Variants in TMC1 observed in about 807,000 individuals in gnomAD.
TMC1 encodes the protein transmembrane channel like 1.
Under a neutral mutation model 105.8 loss-of-function variants are expected in TMC1, and 84 were observed. The observed-to-expected ratio is 0.79, with a 90% CI of 0.67 to 0.95. TMC1 has a LOEUF of 0.95. Ranked by LOEUF, TMC1 falls within the 40% of genes least tolerant of loss-of-function variation. The pLI is 0.00. For synonymous variants in TMC1, 315 were observed against 311.5 expected, an observed-to-expected ratio of 1.01 and a Z score of -0.12; for missense variants, 817 against 914.1, an observed-to-expected ratio of 0.89 and a Z score of 1.37.
intron 2 of TMC1, among the ~76,000 whole-genome samples, chr9:72,598,318 C>A (rs1022013120): frequency 2.0e-5 from 3 of 151,810 alleles, no homozygotes; most frequent in African/African-American, 7.3e-5. Flanking sequence ...GCCTACCAGT[C>A]TCTGTGACTG....
At chr9:72,613,726 AC>A (rs973086534) in intron 2 of TMC1, among the ~76,000 whole-genome samples, 12 of 151,968 alleles carry the variant, frequency 7.9e-5, no homozygotes, top group African/African-American at 2.9e-4. Flanking sequence ...AAATAAGAAT[AC>A]TGACAAGCGT....
intron 1 of TMC1, among the ~76,000 whole-genome samples, chr9:72,575,221 G>C (rs1824359054): frequency 6.6e-6 from 1 of 152,048 alleles, no homozygotes; most frequent in African/African-American, 2.4e-5. Context: ...TTGCTCTGTT[G>C]CCCAGGCTGG....
intron 2 of TMC1, among the ~76,000 whole-genome samples, chr9:72,578,880 T>A (rs1587971102): frequency 6.6e-6 from 1 of 152,286 alleles, no homozygotes; most frequent in East Asian, 1.9e-4. Flanking sequence ...GAATGGGGCA[T>A]CTCAGAATCG....
chr9:72,731,173 A>G (rs1827206957), intron 8 of TMC1, among the ~76,000 whole-genome samples: 1 of 152,232 alleles, frequency 6.6e-6, no homozygotes, highest in Admixed American at 6.5e-5. Context: ...CATTCATTCA[A>G]TTAGCATATG....
intron 20 of TMC1, among the ~76,000 whole-genome samples, chr9:72,822,514 TTGTGTGTGTGTGTGTG>T (rs368968408): frequency 7.4e-5 from 10 of 135,864 alleles, no homozygotes; most frequent in South Asian, 5.1e-4. Flanking sequence ...GTTAATTCCG[TTGTGTGTGTGTGTGTG>T]TGTGTGTGTG....
intron 8 of TMC1, among the ~76,000 whole-genome samples, chr9:72,714,335 C>T (rs2793159): frequency 0.23 from 34,610 of 151,908 alleles, 4,266 homozygotes; most frequent in East Asian, 0.38. Context: ...TTTTCTGTCT[C>T]GTTGATCTGT....
At chr9:72,770,380 A>C (rs1480125209) in intron 12 of TMC1, among the ~76,000 whole-genome samples, 1 of 130,780 alleles carries the variant, frequency 7.6e-6, no homozygotes, top group Non-Finnish European at 1.6e-5. Context: ...TTATTATATA[A>C]ATCTTTATAT....
rs180725650 is a variant in TMC1 at position 72,792,097 on chromosome 9, A to G, written c.1404+32A>G. On this transcript the variant is annotated intron_variant, in intron 16 of 23. Coordinates refer to ENST00000297784, the MANE Select transcript of TMC1 (RefSeq NM_138691.3). Reference sequence around the variant, plus strand: ...CTTGTTTCTGGATTGTCCTTGCCATAAGAGTGTTGTTCAATTCCCAGTCTC... The same window carrying G: ...CTTGTTTCTGGATTGTCCTTGCCATGAGAGTGTTGTTCAATTCCCAGTCTC... 1.2e-3 allele frequency: 1,902 copies of G among 1,613,782 alleles called. 17 individuals are homozygous for G. The Middle Eastern group carries it at 0.019, about 16-fold the overall frequency.
intron 1 of TMC1, among the ~76,000 whole-genome samples, chr9:72,553,503 G>C (rs1398270173): frequency 6.6e-6 from 1 of 152,166 alleles, no homozygotes; most frequent in Non-Finnish European, 1.5e-5. Flanking sequence ...TCTACTGCTA[G>C]ATTTTGGAAG....
At chr9:72,665,843 C>G (rs1235385468) in intron 5 of TMC1, among the ~76,000 whole-genome samples, 1 of 152,222 alleles carries the variant, frequency 6.6e-6, no homozygotes, top group Non-Finnish European at 1.5e-5. Context: ...ACTACCAACA[C>G]CAGCTTCTGG....
intron 5 of TMC1, among the ~76,000 whole-genome samples, chr9:72,653,105 A>C (rs1362160924): frequency 1.3e-5 from 2 of 152,230 alleles, no homozygotes; most frequent in Non-Finnish European, 2.9e-5. Flanking sequence ...TCACTTTATT[A>C]ATTCATTCAT....
intron 5 of TMC1, among the ~76,000 whole-genome samples, chr9:72,685,450 G>A (rs1390450366): frequency 3.3e-5 from 5 of 149,692 alleles, no homozygotes; most frequent in African/African-American, 1.2e-4. Flanking sequence ...TGCAACCTCT[G>A]CCTCCCGGGT....
intron 12 of TMC1, among the ~76,000 whole-genome samples, chr9:72,770,916 G>A (rs1238646510): frequency 1.3e-5 from 2 of 152,128 alleles, no homozygotes; most frequent in African/African-American, 4.8e-5. Context: ...ATTAAATGAT[G>A]TCCAGCCATG....
intron 20 of TMC1, among the ~76,000 whole-genome samples, chr9:72,824,383 C>A (rs1313027363): frequency 6.6e-6 from 1 of 152,240 alleles, no homozygotes; most frequent in African/African-American, 2.4e-5. Context: ...TTCCTGGGTT[C>A]CCACAATCGG....
intron 1 of TMC1, among the ~76,000 whole-genome samples, chr9:72,557,816 G>T (rs1823968969): frequency 6.6e-6 from 1 of 152,190 alleles, no homozygotes; most frequent in South Asian, 2.1e-4. Context: ...GTGTTTTGGT[G>T]TGAGGGAGGC....
chr9:72,821,192 G>A, intron 20 of TMC1, 111 bp downstream of exon 20: 2 of 1,548,534 alleles, frequency 1.3e-6, no homozygotes, highest in South Asian at 1.1e-5. Flanking sequence ...GACATTTTTG[G>A]TTGGTGGAAA....
intron 1 of TMC1, among the ~76,000 whole-genome samples, chr9:72,546,619 T>G (rs1384941190): frequency 6.6e-6 from 1 of 152,270 alleles, no homozygotes; most frequent in Admixed American, 6.5e-5. Context: ...TTCTCTGCAC[T>G]GATCTTCAAG....
At chr9:72,702,480 G>A (rs1208356257) in intron 8 of TMC1, among the ~76,000 whole-genome samples, 1 of 152,146 alleles carries the variant, frequency 6.6e-6, no homozygotes, top group African/African-American at 2.4e-5. Context: ...ATTATAAAAT[G>A]AGATAATTTA....
intron 1 of TMC1, among the ~76,000 whole-genome samples, chr9:72,560,249 G>A (rs1824022372): frequency 6.6e-6 from 1 of 152,162 alleles, no homozygotes; most frequent in Non-Finnish European, 1.5e-5. Flanking sequence ...TGTAGCTATT[G>A]TTATTTACTT....
Sources: gnomAD v4.1 joint callset for allele counts (sites outside exome capture counted in the v4.1 genomes callset) on GRCh38, gnomAD v4.1.1 for gene constraint, MANE v1.5 for transcripts, NCBI Gene and HGNC (gene_info 2026-07-23, HGNC 2026-07-21) for gene names.